Variants in DPP6 observed in about 807,000 individuals in gnomAD.
DPP6 encodes the protein dipeptidyl peptidase like 6.
A neutral mutation model predicts 122.6 loss-of-function variants in DPP6; 69 were observed. The ratio of observed to expected loss-of-function variants is 0.56; its 90% CI spans 0.46 to 0.69. The LOEUF is 0.69. DPP6 is among the 30% of genes least tolerant of loss of function. DPP6 has a pLI of 0.00. For missense variants in DPP6, 928 were observed against 1,116.9 expected (o/e 0.83, Z 2.41); for synonymous variants, 418 against 433.1 (o/e 0.97, Z 0.43).
At chr7:154,805,167 T>C (rs1158871942) in intron 15 of DPP6, among the ~76,000 whole-genome samples, 2 of 152,222 alleles carry the variant, frequency 1.3e-5, no homozygotes, top group Non-Finnish European at 2.9e-5. Context: ...TGAAGCTTTA[T>C]TTTTCTGCTG....
chr7:154,191,182 C>T (rs1252285978), intron 1 of DPP6, among the ~76,000 whole-genome samples: 1 of 152,130 alleles, frequency 6.6e-6, no homozygotes, highest in Non-Finnish European at 1.5e-5. Flanking sequence ...GTTGCCTGAG[C>T]CAAGTCACTG....
At chr7:154,120,563 GGGTCTT>G (rs1341148070) in intron 1 of DPP6, among the ~76,000 whole-genome samples, 1 of 152,016 alleles carries the variant, frequency 6.6e-6, no homozygotes, top group Non-Finnish European at 1.5e-5. Context: ...CATTTCAAAG[GGGTCTT>G]CCTTAATGAT....
intron 1 of DPP6, among the ~76,000 whole-genome samples, chr7:154,300,601 T>G (rs1210213348): frequency 6.6e-6 from 1 of 152,080 alleles, no homozygotes; most frequent in Non-Finnish European, 1.5e-5. Flanking sequence ...GCCCAAGCAC[T>G]TTGGAGGGGT....
chr7:154,740,954 G>T (rs1293565902), intron 8 of DPP6, among the ~76,000 whole-genome samples: 1 of 151,956 alleles, frequency 6.6e-6, no homozygotes, highest in Non-Finnish European at 1.5e-5. Flanking sequence ...TGCATTATTG[G>T]CATAACTTTT....
intron 7 of DPP6, among the ~76,000 whole-genome samples, chr7:154,712,707 G>A (rs1841260181): frequency 6.6e-6 from 1 of 152,248 alleles, no homozygotes; most frequent in South Asian, 2.1e-4. Flanking sequence ...AACAGGATAG[G>A]GGAAAACACC....
Position 154,755,113 on chromosome 7 carries a change from T to C in DPP6, c.884-14304T>C, listed in dbSNP as rs1843596049. 6.8e-6 allele frequency among the ~76,000 whole-genome samples: 1 copy of C among 147,712 alleles called. No homozygotes were observed. Among genetic ancestry groups the C allele is most frequent in the African/African-American group, 2.5e-5 (1 of 39,498 alleles). On this transcript the variant is annotated intron_variant, in intron 8 of 25. Coordinates refer to ENST00000377770, the MANE Select transcript of DPP6 (RefSeq NM_130797.4). This position sits in a 1 kb window ranked among gnomAD's most constrained non-coding sequence, Gnocchi z 4.7. ...ACCTATGTAACAAACCTGCACGTTC[T>C]GCACATGTATCCCAGAACTTAAAGT...
intron 1 of DPP6, among the ~76,000 whole-genome samples, chr7:154,200,802 A>T (rs57724365): frequency 2.6e-5 from 4 of 152,142 alleles, no homozygotes; most frequent in African/African-American, 9.7e-5. Flanking sequence ...ACACCTAGAA[A>T]GTTAGCCCCG....
chr7:154,238,409 A>C (rs1469499491), intron 1 of DPP6, among the ~76,000 whole-genome samples: 2 of 152,246 alleles, frequency 1.3e-5, no homozygotes, highest in African/African-American at 4.8e-5. Context: ...TTTTCTCCTT[A>C]AAAATGAAAT....
chr7:154,550,596 T>C (rs1829552473), intron 4 of DPP6, among the ~76,000 whole-genome samples: 1 of 152,186 alleles, frequency 6.6e-6, no homozygotes, highest in East Asian at 1.9e-4. Flanking sequence ...TTGGGAAATA[T>C]TTGTGTTTAC....
intron 5 of DPP6, among the ~76,000 whole-genome samples, chr7:154,636,275 C>T (rs1366916766): frequency 2.0e-5 from 3 of 152,102 alleles, no homozygotes; most frequent in African/African-American, 2.4e-5. Flanking sequence ...CTGAAGAAGC[C>T]GTTCCAGCTC....
In DPP6 at chr7:154,023,318, G is replaced by GCACGCGCGCA. The variant is rs373378162; in HGVS notation, c.51+135587_51+135588insGCGCGCACAC. On this transcript the variant is annotated intron_variant, in intron 1 of 25. Coordinates refer to the DPP6 transcript ENST00000404039. Reference sequence around the variant, plus strand: ...CAGGCTCTGGAAATGTTTCTTGTCTGCACACACACACACACACACACACAC... The same window carrying GCACGCGCGCA: ...CAGGCTCTGGAAATGTTTCTTGTCTGCACGCGCGCACACACACACACACACACACACACAC... Among the ~76,000 whole-genome samples the GCACGCGCGCA allele has an allele frequency of 1.6e-3, 203 of 129,612 alleles. 1 individual carries two copies. The highest frequency in any genetic ancestry group is 5.6e-3 in the African/African-American group (174 of 31,172). The allele number at this position is 129,612 out of a possible 152,430, so 85.0% of individuals were successfully genotyped here.
At chr7:153,933,739 C>T (rs905929484) in intron 1 of DPP6, among the ~76,000 whole-genome samples, 8 of 152,048 alleles carry the variant, frequency 5.3e-5, no homozygotes, top group Admixed American at 4.6e-4. Flanking sequence ...ACACACACCA[C>T]AGGTCGTCTC....
intron 8 of DPP6, among the ~76,000 whole-genome samples, chr7:154,745,796 C>T (rs765896394): frequency 3.3e-5 from 5 of 152,164 alleles, no homozygotes; most frequent in African/African-American, 4.8e-5. Context: ...TGAAATCAAG[C>T]GAGAACTCAC....
At chr7:154,601,390 G>A (rs1833404713) in intron 5 of DPP6, among the ~76,000 whole-genome samples, 1 of 121,310 alleles carries the variant, frequency 8.2e-6, no homozygotes, top group Non-Finnish European at 1.9e-5. Context: ...AGCTCTCACA[G>A]TAAGCACATA....
the DPP6 span, among the ~76,000 whole-genome samples, chr7:153,823,373 G>C: frequency 6.7e-6 from 1 of 148,458 alleles, no homozygotes; most frequent in African/African-American, 2.5e-5. Context: ...TCCACAGGGG[G>C]CCTCTTGCCT....
At chr7:153,797,193 C>T in the DPP6 span, among the ~76,000 whole-genome samples, 11 of 152,270 alleles carry the variant, frequency 7.2e-5, no homozygotes, top group African/African-American at 2.6e-4. Flanking sequence ...GACTCTGAGC[C>T]ACAGGATAAA....
intron 1 of DPP6, among the ~76,000 whole-genome samples, chr7:154,228,912 G>C (rs1800761771): frequency 6.6e-6 from 1 of 152,118 alleles, no homozygotes; most frequent in South Asian, 2.1e-4. Context: ...GATTTTGTAA[G>C]ATTAGGAAAC....
chr7:154,408,433 G>A (rs1009057979), intron 1 of DPP6, among the ~76,000 whole-genome samples: 1 of 151,756 alleles, frequency 6.6e-6, no homozygotes, highest in African/African-American at 2.4e-5. Flanking sequence ...TGTGGTTATT[G>A]TTTTTTTAAA....
the DPP6 span, among the ~76,000 whole-genome samples, chr7:153,829,871 G>A: frequency 6.6e-6 from 1 of 152,148 alleles, no homozygotes; most frequent in Non-Finnish European, 1.5e-5. Context: ...CATAGACAGC[G>A]GCCACCCCTT....
Sources: gnomAD v4.1 joint callset for allele counts (sites outside exome capture counted in the v4.1 genomes callset) on GRCh38, gnomAD v4.1.1 for gene constraint, Gnocchi (gnomAD v3.1) non-coding constraint, MANE v1.5 for transcripts, NCBI Gene and HGNC (gene_info 2026-07-23, HGNC 2026-07-21) for gene names.